ST6GAL2: variants seen among roughly 807,000 people sequenced by gnomAD.
The protein encoded by ST6GAL2 is ST6 beta-galactoside alpha-2,6-sialyltransferase 2, also known as beta-galactoside alpha-2,6-sialyltransferase 2.
ST6GAL2 carries 24 observed loss-of-function variants against 37.5 expected under a neutral mutation model. The observed-to-expected ratio is 0.64, with a 90% CI of 0.46 to 0.90. ST6GAL2 has a LOEUF of 0.90. Ranked by LOEUF, ST6GAL2 falls within the 40% of genes least tolerant of loss-of-function variation. ST6GAL2 has a pLI of 0.00. For missense variants in ST6GAL2, 715 were observed against 712.7 expected (o/e 1.00, Z -0.04); for synonymous variants, 306 against 295.1 (o/e 1.04, Z -0.38).
intron 1 of ST6GAL2, among the ~76,000 whole-genome samples, chr2:106,850,444 G>A (rs1023997285): frequency 1.3e-5 from 2 of 152,172 alleles, no homozygotes; most frequent in African/African-American, 4.8e-5. Context: ...AAGAATAATA[G>A]GAAGGAGTGG....
intron 5 of ST6GAL2, among the ~76,000 whole-genome samples, 176 bp from the exon 6 acceptor site, chr2:106,807,125 G>A (rs375922968): frequency 6.6e-6 from 1 of 152,150 alleles, no homozygotes; most frequent in South Asian, 2.1e-4. Context: ...TGCAGTTCAT[G>A]GAGTATGGGG....
chr2:106,850,978 C>T (rs1351033581), intron 1 of ST6GAL2, among the ~76,000 whole-genome samples: 2 of 152,210 alleles, frequency 1.3e-5, no homozygotes, highest in African/African-American at 2.4e-5. Context: ...CACACCTTCA[C>T]ATGTGCTTTG....
intron 4 of ST6GAL2, among the ~76,000 whole-genome samples, chr2:106,831,929 A>G (rs1232446352): frequency 6.6e-6 from 1 of 152,258 alleles, no homozygotes; most frequent in Non-Finnish European, 1.5e-5. Context: ...ATAAACAAGC[A>G]TGCTGGCTTT....
chr2:106,861,463 A>G (rs1677793244), intron 1 of ST6GAL2, among the ~76,000 whole-genome samples: 1 of 152,096 alleles, frequency 6.6e-6, no homozygotes, highest in African/African-American at 2.4e-5. Context: ...ATATCCAGGC[A>G]CTGTGCTAGA....
chr2:106,876,987 G>T (rs6704873), intron 1 of ST6GAL2, among the ~76,000 whole-genome samples: 1 of 151,900 alleles, frequency 6.6e-6, no homozygotes, highest in East Asian at 1.9e-4. Flanking sequence ...CTATTTAGAG[G>T]AAAAAAAAGG....
At chr2:106,840,373 T>C (rs1209214742) in intron 2 of ST6GAL2, among the ~76,000 whole-genome samples, 1 of 152,222 alleles carries the variant, frequency 6.6e-6, no homozygotes, top group African/African-American at 2.4e-5. Context: ...CTTGCATATA[T>C]TCAGGTGAAC....
chr2:106,857,593 G>A (rs1352949154), intron 1 of ST6GAL2, among the ~76,000 whole-genome samples: 1 of 152,086 alleles, frequency 6.6e-6, no homozygotes, highest in Non-Finnish European at 1.5e-5. Flanking sequence ...AACACAGCAA[G>A]ACCCCATCTC....
rs78636651 is a variant in ST6GAL2, at chr2:106,813,331, C to T, written c.1319-6382G>A. 1,278 of 680,806 alleles carry T rather than the reference C, an allele frequency of 1.9e-3. 11 individuals are homozygous for T. The African/African-American group carries it at 0.022, about 12-fold the overall frequency. 42.2% of individuals were successfully genotyped at this position (680,806 alleles called of 1,614,324 possible). On this transcript the variant is annotated intron_variant, in intron 5 of 5. Coordinates refer to ENST00000409382, the MANE Select transcript of ST6GAL2 (RefSeq NM_001142351.2). ...CTGTATGCTTTTAAACATCATATAA[C>T]GCAAGATAATTATCAAACCATTTAA...
At chr2:106,882,179 T>C (rs1178686006) in intron 1 of ST6GAL2, among the ~76,000 whole-genome samples, 2 of 152,224 alleles carry the variant, frequency 1.3e-5, no homozygotes, top group African/African-American at 4.8e-5. Flanking sequence ...TCATATACAA[T>C]CTTCCCCATC....
chr2:106,834,261 A>T, intron 2 of ST6GAL2, 115 bp from the exon 3 acceptor site: 1 of 687,728 alleles, frequency 1.5e-6, no homozygotes, highest in Non-Finnish European at 2.6e-6. Flanking sequence ...TCACCAATAA[A>T]GTTAAGATAT....
intron 1 of ST6GAL2, among the ~76,000 whole-genome samples, chr2:106,863,614 C>A (rs888190052): frequency 6.6e-6 from 1 of 152,248 alleles, no homozygotes; most frequent in East Asian, 1.9e-4. Flanking sequence ...CAAGGAAATA[C>A]ACCTGCAAAA....
At chr2:106,874,109 C>G (rs11680654) in intron 1 of ST6GAL2, among the ~76,000 whole-genome samples, 1 of 151,984 alleles carries the variant, frequency 6.6e-6, no homozygotes, top group Non-Finnish European at 1.5e-5. Context: ...AGCTGGCACA[C>G]GGAGTTCTGG....
intron 1 of ST6GAL2, among the ~76,000 whole-genome samples, 182 bp from the exon 2 acceptor site, chr2:106,844,216 C>T (rs1573262730): frequency 6.6e-6 from 1 of 151,714 alleles, no homozygotes; most frequent in South Asian, 2.1e-4. Flanking sequence ...CCCCTCCCCG[C>T]CCCCCACCTC....
intron 5 of ST6GAL2, among the ~76,000 whole-genome samples, chr2:106,809,783 A>T (rs1675543089): frequency 6.6e-6 from 1 of 152,236 alleles, no homozygotes; most frequent in South Asian, 2.1e-4. Context: ...AAAATACCAT[A>T]ATGAGGAACT....
At chr2:106,852,494 T>C (rs1413310391) in intron 1 of ST6GAL2, among the ~76,000 whole-genome samples, 2 of 152,222 alleles carry the variant, frequency 1.3e-5, no homozygotes, top group African/African-American at 4.8e-5. Context: ...GGGATGCCTG[T>C]AAGGTTCCCG....
chr2:106,875,818 T>A (rs1173201358), intron 1 of ST6GAL2, among the ~76,000 whole-genome samples: 3 of 152,204 alleles, frequency 2.0e-5, no homozygotes, highest in Non-Finnish European at 4.4e-5. Context: ...ATATTATAAT[T>A]GGGATAGAAA....
intron 2 of ST6GAL2, among the ~76,000 whole-genome samples, chr2:106,838,415 C>T (rs1160343769): frequency 6.6e-6 from 1 of 152,206 alleles, no homozygotes; most frequent in Non-Finnish European, 1.5e-5. Flanking sequence ...AGAGAATGGC[C>T]TGCCTGGGAT....
chr2:106,840,118 C>A (rs1451369435), intron 2 of ST6GAL2, among the ~76,000 whole-genome samples: 3 of 152,182 alleles, frequency 2.0e-5, no homozygotes, highest in Admixed American at 6.5e-5. Context: ...CTCCTCCTGG[C>A]AGAACATAGG....
chr2:106,811,514 C>A (rs1214775978), intron 5 of ST6GAL2, among the ~76,000 whole-genome samples: 1 of 152,096 alleles, frequency 6.6e-6, no homozygotes, highest in Non-Finnish European at 1.5e-5. Context: ...CAATTTAGAG[C>A]ACCTTTCTTT....
Sources: gnomAD v4.1 joint callset for allele counts (sites outside exome capture counted in the v4.1 genomes callset) on GRCh38, gnomAD v4.1.1 for gene constraint, MANE v1.5 for transcripts, NCBI Gene and HGNC (gene_info 2026-07-23, HGNC 2026-07-21) for gene names.